Variants in UBE2H observed in about 807,000 individuals in gnomAD.
UBE2H encodes ubiquitin conjugating enzyme E2 H, also known as ubiquitin-conjugating enzyme E2 H.
UBE2H carries 3 observed loss-of-function variants against 29.0 expected under a neutral mutation model. The observed-to-expected ratio is 0.10, with a 90% CI of 0.05 to 0.27. The LOEUF (loss-of-function observed/expected upper bound fraction) is 0.27. Ranked by LOEUF, UBE2H falls within the 10% of genes least tolerant of loss-of-function variation. UBE2H has a pLI of 1.00. For synonymous variants in UBE2H, 69 were observed against 82.9 expected (o/e 0.83, Z 0.91); for missense variants, 68 against 228.2 (o/e 0.30, Z 4.52).
chr7:129,878,828 TATA>T (rs1301840395), intron 3 of UBE2H, among the ~76,000 whole-genome samples: 3 of 148,180 alleles, frequency 2.0e-5, no homozygotes, highest in Non-Finnish European at 4.4e-5. Flanking sequence ...TTCAATATTT[TATA>T]ATATTTTAGA....
rs1477861000 is a variant in UBE2H at position 129,832,623 on chromosome 7, A to G, written c.*2314T>C. On this transcript the variant is annotated 3_prime_UTR_variant, in exon 7 of 7. Coordinates refer to ENST00000355621, the MANE Select transcript of UBE2H (RefSeq NM_003344.4). ...TGGGGCTCTGGTCAGAGGCGAGCCA[A>G]TGTCTTATCATTAGAGAGATGTGGG... 6.6e-6 allele frequency: 1 copy of G among 152,108 alleles called. No homozygotes were observed. The highest frequency in any genetic ancestry group is 1.9e-4 in the East Asian group (1 of 5,190). The allele number at this position is 152,108 out of a possible 1,614,324, so 9.4% of individuals were successfully genotyped here. A position where few individuals can be genotyped will look rare whatever the true frequency, so the allele number is the denominator to read the frequency against.
chr7:129,859,346 TCTC>T (rs1289395144), intron 3 of UBE2H, among the ~76,000 whole-genome samples: 3 of 152,202 alleles, frequency 2.0e-5, no homozygotes, highest in South Asian at 2.1e-4. Flanking sequence ...CATTTCAACT[TCTC>T]CTTCTGACGC....
intron 3 of UBE2H, among the ~76,000 whole-genome samples, chr7:129,864,446 A>G (rs1374101782): frequency 6.6e-6 from 1 of 152,166 alleles, no homozygotes; most frequent in African/African-American, 2.4e-5. Flanking sequence ...TTAAGAGAAC[A>G]TATTTTGAAA....
intron 3 of UBE2H, among the ~76,000 whole-genome samples, chr7:129,863,451 C>T (rs1427973216): frequency 6.6e-6 from 1 of 152,152 alleles, no homozygotes; most frequent in Non-Finnish European, 1.5e-5. Flanking sequence ...ATATGATCTC[C>T]CAAATCTCCA....
chr7:129,842,017 G>T (rs1805437569), intron 5 of UBE2H, among the ~76,000 whole-genome samples: 2 of 152,092 alleles, frequency 1.3e-5, no homozygotes, highest in Admixed American at 1.3e-4. Flanking sequence ...GCCATAAAAT[G>T]GTATGTTTTC....
At chr7:129,887,324 C>T (rs1398443036) in intron 1 of UBE2H, among the ~76,000 whole-genome samples, 1 of 150,750 alleles carries the variant, frequency 6.6e-6, no homozygotes, top group East Asian at 2.0e-4. Flanking sequence ...CAGGTTCAAG[C>T]GATTCTCCTG....
At chr7:129,931,062 C>CA (rs1384039472) in intron 1 of UBE2H, among the ~76,000 whole-genome samples, 2 of 151,286 alleles carry the variant, frequency 1.3e-5, no homozygotes, top group African/African-American at 2.4e-5. Context: ...CTATTAAATA[C>CA]AAAAAATTAG....
chr7:129,945,430 A>G (rs1285922502), intron 1 of UBE2H, among the ~76,000 whole-genome samples: 1 of 152,234 alleles, frequency 6.6e-6, no homozygotes, highest in Non-Finnish European at 1.5e-5. Context: ...AAAAAACATC[A>G]AAGTTTAAAC....
At chr7:129,855,931 A>C (rs564390885) in intron 5 of UBE2H, among the ~76,000 whole-genome samples, 7 of 152,144 alleles carry the variant, frequency 4.6e-5, no homozygotes, top group Non-Finnish European at 1.0e-4. Context: ...ATTAAAAAAT[A>C]TATATACAAC....
chr7:129,849,726 T>C (rs1170960512), intron 5 of UBE2H, among the ~76,000 whole-genome samples: 2 of 152,178 alleles, frequency 1.3e-5, no homozygotes, highest in Admixed American at 1.3e-4. Context: ...CAGGCCCAAC[T>C]GGCCACAGGG....
intron 1 of UBE2H, among the ~76,000 whole-genome samples, chr7:129,936,333 G>T (rs571104075): frequency 1.3e-5 from 2 of 152,110 alleles, no homozygotes; most frequent in African/African-American, 2.4e-5. Context: ...GGTGGCTCAC[G>T]CCTGTAATCC....
intron 1 of UBE2H, among the ~76,000 whole-genome samples, chr7:129,887,595 G>T (rs923687833): frequency 1.3e-5 from 2 of 152,072 alleles, no homozygotes; most frequent in African/African-American, 4.8e-5. Flanking sequence ...TTTTCCTGAG[G>T]TGCGACAGTT....
At chr7:129,836,046 C>T (rs1455565773) in intron 6 of UBE2H, among the ~76,000 whole-genome samples, 1 of 152,098 alleles carries the variant, frequency 6.6e-6, no homozygotes, top group East Asian at 1.9e-4. Flanking sequence ...CCAATGTGGT[C>T]CTTTACAGAA....
At chr7:129,873,085 T>C (rs1806075802) in intron 3 of UBE2H, among the ~76,000 whole-genome samples, 1 of 151,086 alleles carries the variant, frequency 6.6e-6, no homozygotes, top group Non-Finnish European at 1.5e-5. Context: ...CGTGGCGCGA[T>C]CTTGGCTCAT....
chr7:129,945,191 C>T (rs1038109910), intron 1 of UBE2H, among the ~76,000 whole-genome samples: 2 of 152,150 alleles, frequency 1.3e-5, no homozygotes, highest in East Asian at 1.9e-4. Flanking sequence ...TAAGGATAAG[C>T]TTCATGGGTG....
At chr7:129,885,112 T>G (rs1291184000) in intron 1 of UBE2H, among the ~76,000 whole-genome samples, 2 of 151,260 alleles carry the variant, frequency 1.3e-5, no homozygotes, top group African/African-American at 4.9e-5. Context: ...AGGCTACTAA[T>G]AGTGTGTACT....
At chr7:129,879,093 A>G (rs1340676026) in intron 3 of UBE2H, among the ~76,000 whole-genome samples, 1 of 152,190 alleles carries the variant, frequency 6.6e-6, no homozygotes, top group East Asian at 1.9e-4. Flanking sequence ...GGGGCTAAAG[A>G]GACTGGAGGT....
intron 3 of UBE2H, among the ~76,000 whole-genome samples, chr7:129,864,657 T>G (rs1356824787): frequency 1.3e-5 from 2 of 150,078 alleles, no homozygotes; most frequent in Non-Finnish European, 1.5e-5. Flanking sequence ...GTTCAAGCTA[T>G]TCTCCTGCCT....
chr7:129,868,439 G>T (rs1805957245), intron 3 of UBE2H, among the ~76,000 whole-genome samples: 1 of 150,312 alleles, frequency 6.7e-6, no homozygotes, highest in African/African-American at 2.5e-5. Flanking sequence ...AATTAGCCAG[G>T]CGCGGTGGCG....
Sources: allele counts gnomAD v4.1 joint callset (sites outside exome capture counted in the v4.1 genomes callset), GRCh38; gene constraint gnomAD v4.1.1; transcripts MANE v1.5; gene names NCBI Gene and HGNC (gene_info 2026-07-23, HGNC 2026-07-21).